UBR2: variants seen among roughly 807,000 people sequenced by gnomAD.
UBR2 encodes E3 ubiquitin-protein ligase UBR2.
UBR2 carries 92 observed loss-of-function variants against 247.9 expected under a neutral mutation model. The observed-to-expected ratio is 0.37, with a 90% CI of 0.31 to 0.44. The LOEUF is 0.44. Among genes scored for constraint, UBR2 ranks in the 20% least tolerant of loss-of-function variants. The pLI is 1.00. For synonymous variants in UBR2, 672 were observed against 693.5 expected (o/e 0.97, Z 0.49); for missense variants, 1,613 against 2,112.6 (o/e 0.76, Z 4.64).
At chr6:42,600,953 G>A (rs1260939885) in intron 4 of UBR2, among the ~76,000 whole-genome samples, 3 of 152,120 alleles carry the variant, frequency 2.0e-5, no homozygotes, top group African/African-American at 7.2e-5. Context: ...CACCATGTTC[G>A]GCCTAGAATA....
At chr6:42,586,536 CT>C (rs1792278154) in intron 2 of UBR2, among the ~76,000 whole-genome samples, 1 of 84,072 alleles carries the variant, frequency 1.2e-5, no homozygotes, top group Non-Finnish European at 2.3e-5. Context: ...CAGTTTGTCT[CT>C]CTTTTTTTTT....
rs992137366 is a variant in UBR2, at chr6:42,649,920, A to C, written c.2463-364A>C. On this transcript the variant is annotated intron_variant, in intron 22 of 46. Coordinates refer to ENST00000372901, the MANE Select transcript of UBR2 (RefSeq NM_001363705.2). ...TAGTGTACCTGCTTTTTTCTGCTTA[A>C]TAGAACAACACGGAAGTCTTTACAT... Among the ~76,000 whole-genome samples the C allele has an allele frequency of 3.4e-4, 52 of 152,220 alleles. 1 individual carries two copies. Among genetic ancestry groups the C allele is most frequent in the Admixed American group, 3.4e-3 (52 of 15,282 alleles).
intron 2 of UBR2, among the ~76,000 whole-genome samples, chr6:42,588,616 G>A (rs1438863786): frequency 1.3e-5 from 2 of 152,166 alleles, no homozygotes; most frequent in Non-Finnish European, 2.9e-5. Context: ...AGTGAGCTGT[G>A]ATCAGGCCAC....
intron 8 of UBR2, among the ~76,000 whole-genome samples, chr6:42,614,430 A>ACG (rs1554250466): frequency 1.3e-5 from 2 of 150,158 alleles, no homozygotes; most frequent in Non-Finnish European, 1.5e-5. Context: ...GTACATATAT[A>ACG]TGTATGTACG....
chr6:42,648,810 A>G (rs566278272), intron 22 of UBR2, among the ~76,000 whole-genome samples: 1 of 152,282 alleles, frequency 6.6e-6, no homozygotes, highest in Admixed American at 6.5e-5. Flanking sequence ...TTAGATGTAT[A>G]TCTTTCTAAA....
intron 16 of UBR2, among the ~76,000 whole-genome samples, chr6:42,641,356 C>G (rs1796435743): frequency 6.6e-6 from 1 of 151,900 alleles, no homozygotes; most frequent in African/African-American, 2.4e-5. Context: ...CCCAGCTACT[C>G]GGGAGGCTGA....
At chr6:42,627,366 T>C (rs1247784802) in intron 11 of UBR2, among the ~76,000 whole-genome samples, 2 of 152,182 alleles carry the variant, frequency 1.3e-5, no homozygotes, top group African/African-American at 4.8e-5. Flanking sequence ...TTGTGGCCTC[T>C]GGCTACATGA....
At chr6:42,634,259 A>C (rs1795946318) in intron 13 of UBR2, 2 of 429,486 alleles carry the variant, frequency 4.7e-6, no homozygotes, top group African/African-American at 4.1e-5. Flanking sequence ...AAACATCCCT[A>C]TATACAAAAC....
intron 4 of UBR2, 102 bp from the exon 5 acceptor site, chr6:42,603,486 C>A: frequency 1.7e-6 from 2 of 1,176,832 alleles, no homozygotes; most frequent in Non-Finnish European, 1.1e-6. Flanking sequence ...GAAGACCAGT[C>A]AACTTTTTAC....
At chr6:42,612,365 A>T in intron 8 of UBR2, 74 bp downstream of exon 8, 1 of 1,348,894 alleles carries the variant, frequency 7.4e-7, no homozygotes, top group Admixed American at 2.5e-5. Flanking sequence ...CTGTTTTGGG[A>T]AAACTATCAA....
At chr6:42,617,859 C>T (rs1197966544) in intron 11 of UBR2, among the ~76,000 whole-genome samples, 1 of 152,186 alleles carries the variant, frequency 6.6e-6, no homozygotes, top group Non-Finnish European at 1.5e-5. Context: ...GCATATTGTA[C>T]ACCGTCTCAC....
intron 2 of UBR2, 50 bp downstream of exon 2, chr6:42,574,043 C>A (rs759332938): frequency 1.4e-6 from 2 of 1,456,390 alleles, no homozygotes; most frequent in African/African-American, 1.4e-5. Context: ...TATTTGACCT[C>A]TTTTTTTCCC....
intron 11 of UBR2, among the ~76,000 whole-genome samples, chr6:42,625,097 T>G (rs1353531132): frequency 1.3e-5 from 2 of 152,198 alleles, no homozygotes; most frequent in African/African-American, 4.8e-5. Context: ...TTATATCAGA[T>G]TTCTCTTATT....
At chr6:42,651,425 T>C (rs1488880857) in intron 23 of UBR2, among the ~76,000 whole-genome samples, 6 of 151,826 alleles carry the variant, frequency 4.0e-5, no homozygotes, top group Non-Finnish European at 7.4e-5. Context: ...GGAGATTCTT[T>C]TAGTTAAAAA....
intron 46 of UBR2, among the ~76,000 whole-genome samples, chr6:42,690,369 C>G (rs1799685943): frequency 4.6e-5 from 7 of 152,328 alleles, no homozygotes; most frequent in Middle Eastern, 3.4e-3. Context: ...GTGCTTCCCA[C>G]TGTTCTCAGC....
In UBR2 at chr6:42,670,674, G is replaced by A. The variant is rs1562385738; in HGVS notation, c.4045G>A (p.Asp1349Asn). 6.2e-7 allele frequency: 1 copy of A among 1,608,802 alleles called. No homozygotes were observed. The highest frequency in any genetic ancestry group is 1.7e-5 in the Admixed American group (1 of 59,480). Residue 1349 changes from aspartate to asparagine, a missense_variant, in exon 36 of 47, where the codon GAT becomes AAT. Asp to Asn is a conservative substitution (Grantham distance 23, BLOSUM62 1). This residue lies in a region of UBR2 where 1,524 missense variants were observed against 1,967.3 expected (regional missense o/e 0.77). Coordinates refer to ENST00000372901, the MANE Select transcript of UBR2 (RefSeq NM_001363705.2). ...TTAATCTGTAGAAAGAATTTTGAGT[G>A]ATGAAGATAAACCATTGTTTGGTCC... ...TIQSIERILS[D>N]EDKPLFGPLP...
At chr6:42,670,756 G>T in intron 36 of UBR2, 41 bp downstream of exon 36, 1 of 1,510,786 alleles carries the variant, frequency 6.6e-7, no homozygotes, top group Non-Finnish European at 9.0e-7. Flanking sequence ...GTGGGGCATG[G>T]AAATTAGGTG....
chr6:42,640,394 G>A (rs1263045609), intron 16 of UBR2, 124 bp downstream of exon 16: 1,562 of 63,324 alleles, frequency 0.025, 29 homozygotes, highest in Admixed American at 0.034. Flanking sequence ...GTGTGTGTGT[G>A]TGTGTGTGTG....
At chr6:42,682,097 T>C (rs748635867) in intron 42 of UBR2, among the ~76,000 whole-genome samples, 5 of 152,084 alleles carry the variant, frequency 3.3e-5, no homozygotes, top group Non-Finnish European at 5.9e-5. Context: ...AAGAAAATTC[T>C]CACACATGCT....
Sources: allele counts gnomAD v4.1 joint callset (sites outside exome capture counted in the v4.1 genomes callset), GRCh38; gene constraint gnomAD v4.1.1; regional missense constraint gnomAD v4.1.1; transcripts MANE v1.5; gene names NCBI Gene and HGNC (gene_info 2026-07-23, HGNC 2026-07-21).